Variants in ITPKA observed in about 807,000 individuals in gnomAD.
ITPKA encodes the protein inositol-trisphosphate 3-kinase A, also known as IP3 3-kinase A.
A neutral mutation model predicts 40.7 loss-of-function variants in ITPKA; 16 were observed. That is an observed-to-expected ratio of 0.39 (90% confidence interval 0.27 to 0.60). ITPKA has a LOEUF of 0.60. ITPKA is among the 20% of genes least tolerant of loss of function. The pLI is 0.50. For synonymous variants in ITPKA, 313 were observed against 289.9 expected (o/e 1.08, Z -0.81); for missense variants, 540 against 649.3 (o/e 0.83, Z 1.83).
rs1243103130 is a variant in ITPKA at position 41,501,964 on chromosome 15, C to T, written c.804-33C>T. On this transcript the variant is annotated intron_variant, in intron 3 of 6. Coordinates refer to ENST00000260386, the MANE Select transcript of ITPKA (RefSeq NM_002220.3). ...TCGAAGGGGTCTCCGTGTGCGCCCC[C>T]TCATGCCCTGGCCGCTGCCTGCGCC... 5 of 1,605,340 alleles carry T rather than the reference C, an allele frequency of 3.1e-6. No homozygotes were observed. In the African/African-American group the frequency reaches 5.3e-5, roughly 17 times the overall value.
In ITPKA at chr15:41,502,130, C is replaced by G. The variant is rs150465612; in HGVS notation, c.937C>G (p.Pro313Ala). ...EEHAQRAVTKPRYMQWREGIS... is the reference protein window; with the variant it reads ...EEHAQRAVTKARYMQWREGIS... The stretch of plus-strand genomic sequence containing the variant: ...GCACGCGCAGCGCGCCGTCACCAAG[C>G]CGCGCTACATGCAGTGGCGGGAAGG... Residue 313 changes from proline to alanine, a missense_variant, in exon 4 of 7, where the codon CCG becomes GCG. Coordinates refer to ENST00000260386, the MANE Select transcript of ITPKA (RefSeq NM_002220.3). 9.1e-5 allele frequency: 147 copies of G among 1,610,058 alleles called. No homozygotes were observed. In the African/African-American group the frequency reaches 1.9e-3, roughly 21 times the overall value.
chr15:41,497,757 C>G, intron 1 of ITPKA, among the ~76,000 whole-genome samples: 1 of 152,262 alleles, frequency 6.6e-6, no homozygotes, highest in East Asian at 1.9e-4. Flanking sequence ...CAGTGGCTCA[C>G]ACTTGTAATC....
intron 6 of ITPKA, 22 bp downstream of exon 6, chr15:41,502,881 GC>G (rs750341864): frequency 8.7e-6 from 14 of 1,609,704 alleles, no homozygotes; most frequent in Admixed American, 1.7e-5. Flanking sequence ...CTGCCCGGGT[GC>G]CCGGGCCGCG....
rs545848686 is a variant in ITPKA, at chr15:41,494,774, A to C, written c.489+358A>C. On this transcript the variant is annotated intron_variant, in intron 1 of 6. Transcript: ENST00000260386. This position sits in a 1 kb window ranked among gnomAD's most constrained non-coding sequence, Gnocchi z 7.8. ...GAGCCTTGCCGGGTGAACCCTCGGA[A>C]GGAGAGAGGCGAAGGAGAGTTTCCC... 6.6e-6 allele frequency among the ~76,000 whole-genome samples: 1 copy of C among 152,304 alleles called. No homozygotes were observed. Among genetic ancestry groups the C allele is most frequent in the East Asian group, 1.9e-4 (1 of 5,178 alleles).
chr15:41,503,151 C>A lies in ITPKA; in HGVS notation c.1371C>A (p.Ser457Arg). ...ACAATCTCATTGGCATCCTGGCCAG[C>A]CTGGCTGAGAGATGAGGCTGGACTC... is the stretch of plus-strand genomic sequence containing the variant. ...GLDNLIGILA[S>R]LAER Residue 457 changes from serine (S) to arginine (R), a missense_variant, in exon 7 of 7, where the codon AGC (serine) becomes AGA (arginine). Coordinates refer to ENST00000260386, the MANE Select transcript of ITPKA (RefSeq NM_002220.3). 1 of 1,586,898 alleles carries A rather than the reference C, an allele frequency of 6.3e-7. No homozygotes were observed. The highest frequency in any genetic ancestry group is 8.6e-7 in the Non-Finnish European group (1 of 1,159,562).
Position 41,501,718 on chromosome 15 carries a change from G to C in ITPKA, c.670G>C (p.Ala224Pro). ...PERYCLARLM[A>P]DALRGCVPAF... ...GCGCTACTGCCTGGCGCGGCTGATG[G>C]CTGACGCGCTGCGCGGCTGCGTGCC... Residue 224 changes from alanine to proline, a missense_variant, in exon 3 of 7, where the codon GCT becomes CCT. Ala to Pro is a conservative substitution (Grantham distance 27). Transcript: ENST00000260386. 2 of 1,611,274 alleles carry C rather than the reference G, an allele frequency of 1.2e-6. No individual in the cohort carries two copies. The highest frequency in any genetic ancestry group is 1.7e-6 in the Non-Finnish European group (2 of 1,179,348).
chr15:41,502,760 C>T (rs768709942), intron 5 of ITPKA, 28 bp from the exon 6 acceptor site: 6 of 1,573,564 alleles, frequency 3.8e-6, no homozygotes, highest in African/African-American at 1.4e-5. Context: ...AGTTAATTTG[C>T]CCTCCTCTCC....
intron 1 of ITPKA, among the ~76,000 whole-genome samples, chr15:41,498,698 G>C (rs147688762): frequency 6.6e-6 from 1 of 152,184 alleles, no homozygotes. Flanking sequence ...GGCAAAGGTG[G>C]CCATCCAGTA....
At chr15:41,502,364 C>G (rs1437679664) in intron 4 of ITPKA, 38 bp from the exon 5 acceptor site, 3 of 1,471,442 alleles carry the variant, frequency 2.0e-6, no homozygotes. Context: ...TCCCCACTGG[C>G]GGGCCCGGGG....
At position 41,503,178 on chromosome 15, in the gene ITPKA, T is replaced by C. The variant is rs766588022; in HGVS notation, c.*12T>C. ...TGGCTGAGAGATGAGGCTGGACTCC[T>C]GTCCCCGCGGGCCGCTCACCTGACA... On this transcript the variant is annotated 3_prime_UTR_variant, in exon 7 of 7. Coordinates refer to ENST00000260386, the MANE Select transcript of ITPKA (RefSeq NM_002220.3). The C allele has an allele frequency of 5.1e-6, 8 of 1,559,420 alleles. No individual in the cohort carries two copies. The highest frequency in any genetic ancestry group is 1.8e-4 in the Middle Eastern group (1 of 5,434).
Position 41,501,865 on chromosome 15 carries a change from G to C in ITPKA, c.803+14G>C. ...AATGGGCGTCAGGTATGCGTGCCCT[G>C]CCAGGTCGGTTGGGGGGATCAAGTA... On this transcript the variant is annotated intron_variant, in intron 3 of 6. Transcript: ENST00000260386. 1 of 1,610,778 alleles carries C rather than the reference G, an allele frequency of 6.2e-7. No homozygotes were observed. Among genetic ancestry groups the C allele is most frequent in the Non-Finnish European group, 8.5e-7 (1 of 1,178,410 alleles).
chr15:41,501,648 G>GGCGGGCACCA lies in ITPKA; in HGVS notation c.607_616dup (p.Leu206HisfsTer23). 1 of 1,607,488 alleles carries GGCGGGCACCA rather than the reference G, an allele frequency of 6.2e-7. No individual in the cohort carries two copies. Among genetic ancestry groups the GGCGGGCACCA allele is most frequent in the Non-Finnish European group, 8.5e-7 (1 of 1,177,704 alleles). On this transcript the variant is annotated frameshift_variant, in exon 3 of 7. Transcript: ENST00000260386. LOFTEE classifies it high-confidence loss of function. ...GCCGGTCCTCAGGGAGTTTTAAGGC[G>GGCGGGCACCA]GCGGGCACCAGCGGGCTGATCCTGA...
At chr15:41,495,470 T>C (rs1331623225) in intron 1 of ITPKA, among the ~76,000 whole-genome samples, 1 of 152,136 alleles carries the variant, frequency 6.6e-6, no homozygotes, top group Non-Finnish European at 1.5e-5. Context: ...GCAGGGAAGC[T>C]GTGGCGACCT....
rs1273395405 is a variant in ITPKA at position 41,503,308 on chromosome 15, A to AG, written c.*149dup. On this transcript the variant is annotated 3_prime_UTR_variant, in exon 7 of 7. Coordinates refer to ENST00000260386, the MANE Select transcript of ITPKA (RefSeq NM_002220.3). ...CTGCAGGACCAGGTGCCAGCCACTA[A>AG]GGGGGGGCACCGCCGATGCCAGGGG... The AG allele has an allele frequency of 8.9e-5, 59 of 664,860 alleles. No individual in the cohort carries two copies. The highest frequency in any genetic ancestry group is 4.2e-4 in the Middle Eastern group (1 of 2,368). 41.2% of individuals were successfully genotyped at this position (664,860 alleles called of 1,614,324 possible). A position where few individuals can be genotyped will look rare whatever the true frequency, so the allele number is the denominator to read the frequency against.
At chr15:41,496,117 A>T (rs2051068831) in intron 1 of ITPKA, among the ~76,000 whole-genome samples, 2 of 152,218 alleles carry the variant, frequency 1.3e-5, no homozygotes. Flanking sequence ...GGCGGCAGAT[A>T]AGCCAGGGGC....
intron 3 of ITPKA, 37 bp downstream of exon 3, chr15:41,501,888 G>T (rs553824922): frequency 6.2e-7 from 1 of 1,603,444 alleles, no homozygotes; most frequent in South Asian, 1.1e-5. Context: ...GGGGGATCAA[G>T]TAGGGGTCCG....
chr15:41,495,042 C>A (rs1294578845), intron 1 of ITPKA, among the ~76,000 whole-genome samples: 3 of 152,226 alleles, frequency 2.0e-5, no homozygotes, highest in East Asian at 3.9e-4. Context: ...GCTCGCCGCT[C>A]CTGAGCGCGG....
At chr15:41,496,152 G>A (rs910198208) in intron 1 of ITPKA, among the ~76,000 whole-genome samples, 1 of 152,232 alleles carries the variant, frequency 6.6e-6, no homozygotes, top group African/African-American at 2.4e-5. Context: ...GCCTGAGTCC[G>A]TGTGGAAGGG....
Position 41,503,436 on chromosome 15 carries a change from G to T in ITPKA, c.*270G>T. On this transcript the variant is annotated 3_prime_UTR_variant, in exon 7 of 7. Transcript: ENST00000260386. ...TCCTCAGGCCAGCTCTTCTGAGGAGGCTCTGCCCTCTCCAGAGGTGCCAGA... is the reference window on the plus strand; with the variant it reads ...TCCTCAGGCCAGCTCTTCTGAGGAGTCTCTGCCCTCTCCAGAGGTGCCAGA... 1 of 615,220 alleles carries T rather than the reference G, an allele frequency of 1.6e-6. No homozygotes were observed. The highest frequency in any genetic ancestry group is 3.0e-6 in the Non-Finnish European group (1 of 333,274). The allele number at this position is 615,220 out of a possible 1,614,324, so 38.1% of individuals were successfully genotyped here. A position where few individuals can be genotyped will look rare whatever the true frequency, so the allele number is the denominator to read the frequency against.
Sources: gnomAD v4.1 joint callset for allele counts (sites outside exome capture counted in the v4.1 genomes callset) on GRCh38, gnomAD v4.1.1 for gene constraint, Gnocchi (gnomAD v3.1) non-coding constraint, MANE v1.5 for transcripts, NCBI Gene and HGNC (gene_info 2026-07-23, HGNC 2026-07-21) for gene names.